Variants in MTUS1 observed in about 807,000 individuals in gnomAD.
MTUS1 encodes the protein microtubule associated scaffold protein 1.
Under a neutral mutation model 120.8 loss-of-function variants are expected in MTUS1, and 109 were observed. The ratio of observed to expected loss-of-function variants is 0.90; its 90% CI spans 0.77 to 1.06. The LOEUF (loss-of-function observed/expected upper bound fraction) is 1.06. Ranked by LOEUF, MTUS1 falls within the 50% of genes least tolerant of loss-of-function variation. The pLI, the probability that MTUS1 is intolerant of heterozygous loss-of-function variation, is 0.00. For synonymous variants in MTUS1, 737 were observed against 550.5 expected (o/e 1.34, Z -4.74); for missense variants, 2,210 against 1,486.3 (o/e 1.49, Z -8.01).
intron 5 of MTUS1, among the ~76,000 whole-genome samples, chr8:17,714,882 G>C (rs893854990): frequency 3.7e-5 from 5 of 133,882 alleles, no homozygotes; most frequent in Non-Finnish European, 6.3e-5. Context: ...AGTTCACTAA[G>C]CACAAATAAT....
chr8:17,736,638 G>C (rs141295473), intron 3 of MTUS1, among the ~76,000 whole-genome samples: 1,892 of 152,148 alleles, frequency 0.012, 36 homozygotes, highest in African/African-American at 0.043. Context: ...AGGCTGGAGT[G>C]CAGTGGTGCG....
At chr8:17,767,046 T>C (rs139691714) in intron 1 of MTUS1, among the ~76,000 whole-genome samples, 175 of 152,258 alleles carry the variant, frequency 1.1e-3, no homozygotes, top group African/African-American at 2.6e-3. Context: ...TTTCCTGTTA[T>C]CATCACATAG....
chr8:17,753,081 G>A (rs1186979754), intron 2 of MTUS1, among the ~76,000 whole-genome samples: 2 of 152,112 alleles, frequency 1.3e-5, no homozygotes, highest in East Asian at 3.8e-4. Flanking sequence ...CTATACATAA[G>A]TAAAAGATTT....
intron 8 of MTUS1, among the ~76,000 whole-genome samples, chr8:17,663,180 G>A (rs1158890238): frequency 6.6e-6 from 1 of 152,208 alleles, no homozygotes; most frequent in East Asian, 1.9e-4. Context: ...CAGAGCTGGA[G>A]TCCTCCCAGG....
chr8:17,789,806 C>T (rs545019856), intron 1 of MTUS1, among the ~76,000 whole-genome samples: 1 of 152,310 alleles, frequency 6.6e-6, no homozygotes, highest in East Asian at 1.9e-4. Context: ...CCTATTTATA[C>T]AGTCCTAACC....
chr8:17,693,522 C>A (rs371890567), intron 6 of MTUS1, among the ~76,000 whole-genome samples: 5 of 152,210 alleles, frequency 3.3e-5, no homozygotes, highest in South Asian at 4.2e-4. Context: ...CCCCGTCCCA[C>A]CACATTCTAT....
intron 2 of MTUS1, among the ~76,000 whole-genome samples, chr8:17,751,133 G>A (rs1391767273): frequency 3.3e-5 from 5 of 152,144 alleles, no homozygotes; most frequent in South Asian, 2.1e-4. Flanking sequence ...CCTGGCCAAC[G>A]TGGTGAAACC....
Position 17,654,597 on chromosome 8 carries a change from C to G in MTUS1, c.3178G>C (p.Glu1060Gln). The change falls in exon 10 of 15, where the codon GAA becomes CAA. Residue 1060 changes from glutamate to glutamine, a missense_variant. By Grantham distance (29) the Glu-to-Gln change is conservative. Coordinates refer to ENST00000693296, the MANE Select transcript of MTUS1 (RefSeq NM_001363059.2). Reference protein sequence around the residue: ...EIEASHSEKLELLKKAYEASL... With the variant: ...EIEASHSEKLQLLKKAYEASL... Reference sequence around the variant, plus strand: ...GCTTCATAGGCCTTCTTTAGCAATTCAAGTTTCTCTGAGTGGCTAGCTTCA... The same window carrying G: ...GCTTCATAGGCCTTCTTTAGCAATTGAAGTTTCTCTGAGTGGCTAGCTTCA... The G allele has an allele frequency of 1.2e-6, 2 of 1,614,106 alleles. No homozygotes were observed. Among genetic ancestry groups the G allele is most frequent in the Middle Eastern group, 1.7e-4 (1 of 6,060 alleles).
chr8:17,767,807 CAA>C (rs146172527), intron 1 of MTUS1, among the ~76,000 whole-genome samples: 3,146 of 151,770 alleles, frequency 0.021, 92 homozygotes, highest in African/African-American at 0.072. Flanking sequence ...TTGGTCAGCT[CAA>C]GAGTTTGGCT....
intron 6 of MTUS1, among the ~76,000 whole-genome samples, chr8:17,702,515 A>G (rs1729001749): frequency 2.6e-5 from 4 of 152,196 alleles, no homozygotes. Context: ...TCGCCCTTGC[A>G]TAACAAACCT....
At chr8:17,684,223 T>A in intron 7 of MTUS1, 105 bp downstream of exon 7, 3 of 792,552 alleles carry the variant, frequency 3.8e-6, no homozygotes, top group Non-Finnish European at 4.3e-6. Context: ...ACCTGATCTT[T>A]CCCATCATTT....
chr8:17,759,865 TA>T (rs1431177401), intron 1 of MTUS1, among the ~76,000 whole-genome samples: 1 of 151,816 alleles, frequency 6.6e-6, no homozygotes, highest in Non-Finnish European at 1.5e-5. Flanking sequence ...ATCAACCATT[TA>T]ACTTTCACTT....
chr8:17,672,555 G>A (rs1188425508), intron 8 of MTUS1, among the ~76,000 whole-genome samples: 1 of 152,126 alleles, frequency 6.6e-6, no homozygotes, highest in Admixed American at 6.6e-5. Flanking sequence ...AATCCCACTG[G>A]CAGCCTTGAG....
chr8:17,752,812 T>G (rs1244731657), intron 2 of MTUS1, among the ~76,000 whole-genome samples: 1 of 152,176 alleles, frequency 6.6e-6, no homozygotes, highest in Non-Finnish European at 1.5e-5. Flanking sequence ...AAGGACAGCC[T>G]GTCTGGGGCT....
intron 3 of MTUS1, among the ~76,000 whole-genome samples, chr8:17,727,655 T>C (rs2904726): frequency 0.48 from 73,001 of 152,152 alleles, 18,195 homozygotes; most frequent in Middle Eastern, 0.63. Flanking sequence ...ATACAGGACT[T>C]CTCTGAGTTA....
At chr8:17,693,513 C>T (rs539648906) in intron 6 of MTUS1, among the ~76,000 whole-genome samples, 1 of 152,156 alleles carries the variant, frequency 6.6e-6, no homozygotes, top group Admixed American at 6.5e-5. Context: ...ATGACCAGCC[C>T]CCGTCCCACC....
At position 17,649,970 on chromosome 8, in the gene MTUS1, G is replaced by C. The variant is rs762320919; in HGVS notation, c.3385-8C>G. The C allele has an allele frequency of 7.7e-5, 110 of 1,424,526 alleles. 2 individuals are homozygous for C. The South Asian group carries it at 1.3e-3, about 16-fold the overall frequency. The allele number at this position is 1,424,526 out of a possible 1,614,324, so 88.2% of individuals were successfully genotyped here. Reference sequence around the variant, plus strand: ...CATGATCTGAGGATTTTTCTGGAAAGGACACAGCAAGATACTGCTCTTATT... The same window carrying C: ...CATGATCTGAGGATTTTTCTGGAAACGACACAGCAAGATACTGCTCTTATT... On this transcript the variant is annotated splice_polypyrimidine_tract_variant and splice_region_variant and intron_variant, in intron 12 of 14. Transcript: ENST00000693296.
At chr8:17,743,554 C>T (rs755581047) in intron 3 of MTUS1, 50 bp downstream of exon 3, 1 of 1,547,646 alleles carries the variant, frequency 6.5e-7, no homozygotes, top group African/African-American at 1.4e-5. Flanking sequence ...CATGACTGTC[C>T]AATTTTACAT....
chr8:17,738,347 C>T (rs946979034), intron 3 of MTUS1, among the ~76,000 whole-genome samples: 1 of 152,132 alleles, frequency 6.6e-6, no homozygotes, highest in Non-Finnish European at 1.5e-5. Flanking sequence ...GAGCATTCTG[C>T]GCTACTTCTG....
Sources: allele counts gnomAD v4.1 joint callset (sites outside exome capture counted in the v4.1 genomes callset), GRCh38; gene constraint gnomAD v4.1.1; transcripts MANE v1.5; gene names NCBI Gene and HGNC (gene_info 2026-07-23, HGNC 2026-07-21).